The following PRR12 variants were observed in gnomAD, a reference collection of about 807,000 sequenced individuals.
PRR12 encodes the protein proline rich 12.
Under a neutral mutation model 138.0 loss-of-function variants are expected in PRR12, and 12 were observed. The ratio of observed to expected loss-of-function variants is 0.09; its 90% CI spans 0.06 to 0.14. The LOEUF is 0.14. PRR12 is among the 10% of genes least tolerant of loss of function. PRR12 has a pLI of 1.00. For synonymous variants in PRR12, 1,567 were observed against 1,291.7 expected, an observed-to-expected ratio of 1.21 and a Z score of -4.57; for missense variants, 2,692 against 2,861.3, an observed-to-expected ratio of 0.94 and a Z score of 1.35.
At chr19:49,593,037 T>G (rs552748833) in intron 1 of PRR12, among the ~76,000 whole-genome samples, 2 of 152,274 alleles carry the variant, frequency 1.3e-5, no homozygotes, top group African/African-American at 4.8e-5. Flanking sequence ...TTGCTCTGCC[T>G]TGGACCCTCT....
intron 11 of PRR12, among the ~76,000 whole-genome samples, chr19:49,622,864 C>G (rs537805824): frequency 3.5e-5 from 5 of 143,058 alleles, no homozygotes; most frequent in African/African-American, 1.3e-4. Flanking sequence ...TGCACTCCAG[C>G]CTGGGCGACA....
chr19:49,614,721 G>A lies in PRR12; in HGVS notation c.4890+72G>A, dbSNP rs2080882772. 6 of 1,484,460 alleles carry A rather than the reference G, an allele frequency of 4.0e-6. No homozygotes were observed. The highest frequency in any genetic ancestry group is 1.7e-4 in the Middle Eastern group (1 of 5,798). The allele number at this position is 1,484,460 out of a possible 1,614,324, so 92.0% of individuals were successfully genotyped here. On this transcript the variant is annotated intron_variant, in intron 7 of 13. Coordinates refer to ENST00000418929, the MANE Select transcript of PRR12 (RefSeq NM_020719.3). This position sits in a 1 kb window ranked among gnomAD's most constrained non-coding sequence, Gnocchi z 5.0. ...TATCTAGGAGCTGGGGTTCCCCTTA[G>A]TGTGGCTGTGACTCACTCCACAGTG...
Position 49,625,237 on chromosome 19 carries a change from C to T in PRR12, c.5964+37C>T, listed in dbSNP as rs200494856. On this transcript the variant is annotated intron_variant, in intron 13 of 13. Coordinates refer to ENST00000418929, the MANE Select transcript of PRR12 (RefSeq NM_020719.3). The surrounding 1 kb of genome is among the most constrained non-coding windows in gnomAD (Gnocchi z 5.5). ...CCACAGCACCCATCGCCCTGGGATT[C>T]CAACCTTTCTGACTTCCTCTTGGGA... 11 of 1,591,540 alleles carry T rather than the reference C, an allele frequency of 6.9e-6. No homozygotes were observed. In the Admixed American group the frequency reaches 1.8e-4, roughly 27 times the overall value.
At position 49,595,739 on chromosome 19, in the gene PRR12, C is replaced by T. The variant is rs574639521; in HGVS notation, c.1404C>T (p.Asp468=). 3 of 1,597,336 alleles carry T rather than the reference C, an allele frequency of 1.9e-6. No homozygotes were observed. The East Asian group carries it at 6.7e-5, about 36-fold the overall frequency. The change falls in exon 4 of 14, where the codon GAC becomes GAT. Residue 468 remains aspartate, a synonymous_variant. Coordinates refer to ENST00000418929, the MANE Select transcript of PRR12 (RefSeq NM_020719.3). ...GGTTTGGAGGGGGGCAGGCACAGGACTTGAGCAAAGCCCCCAGCTACTCAG... is the reference window on the plus strand; with the variant it reads ...GGTTTGGAGGGGGGCAGGCACAGGATTTGAGCAAAGCCCCCAGCTACTCAG... The part of the protein sequence containing the change: ...GQGFGGGQAQ[D]LSKAPSYSGG...
chr19:49,592,887 T>C (rs11083979), intron 1 of PRR12, among the ~76,000 whole-genome samples: 49,115 of 151,534 alleles, frequency 0.32, 9,053 homozygotes, highest in African/African-American at 0.51. Flanking sequence ...TCAGGGCCTA[T>C]GTGTTCCCGT....
At chr19:49,593,661 A>G (rs767912553) in intron 2 of PRR12, among the ~76,000 whole-genome samples, 36 of 151,566 alleles carry the variant, frequency 2.4e-4, no homozygotes, top group Non-Finnish European at 4.6e-4. Flanking sequence ...TTTCGCTCCA[A>G]TTGGCCCTGT....
intron 5 of PRR12, among the ~76,000 whole-genome samples, chr19:49,600,221 G>T (rs746910351): frequency 6.6e-6 from 1 of 152,098 alleles, no homozygotes; most frequent in Non-Finnish European, 1.5e-5. Context: ...CAGGACAGGG[G>T]CTACTCAGGT....
chr19:49,595,079 G>A lies in PRR12; in HGVS notation c.744G>A (p.Leu248=), dbSNP rs752471621. ...ACCTCCCAACTCAGTTCAACCTGCT[G>A]GCTTCCTCTTCCGCTGCCGCCGCCG... ...PRHLPTQFNL[L]ASSSAAAAAA... is the part of the protein sequence containing the mutation. Residue 248 remains leucine (L), a synonymous_variant, in exon 4 of 14, where the codon CTG becomes CTA. Transcript: ENST00000418929. The A allele has an allele frequency of 6.8e-6, 11 of 1,611,256 alleles. 2 individuals carry two copies. Among genetic ancestry groups the A allele is most frequent in the South Asian group, 6.6e-5 (6 of 91,038 alleles).
At position 49,594,805 on chromosome 19, in the gene PRR12, T is replaced by A; in HGVS notation, c.470T>A (p.Phe157Tyr). The change falls in exon 4 of 14, where the codon TTC becomes TAC. Residue 157 changes from phenylalanine to tyrosine, a missense_variant. Phe to Tyr is a conservative substitution (Grantham distance 22). This residue lies in a region of PRR12 where 211 missense variants were observed against 266.3 expected (regional missense o/e 0.79). Coordinates refer to ENST00000418929, the MANE Select transcript of PRR12 (RefSeq NM_020719.3). This position sits in a 1 kb window ranked among gnomAD's most constrained non-coding sequence, Gnocchi z 5.6. ...TCGGCTTACCAACACCCGGCTTCCT[T>A]CGGCAGCCGCCCCTTCCCAGTGCCC... ...ALSAYQHPAS[F>Y]GSRPFPVPSS... is the part of the protein sequence containing the mutation. 1.2e-6 allele frequency: 2 copies of A among 1,612,502 alleles called. No homozygotes were observed. The highest frequency in any genetic ancestry group is 2.2e-5 in the South Asian group (2 of 90,932).
chr19:49,597,889 C>T lies in PRR12; in HGVS notation c.3554C>T (p.Ala1185Val), dbSNP rs768830433. Residue 1185 changes from alanine to valine, a missense_variant, in exon 4 of 14, where the codon GCG becomes GTG. By Grantham distance (64) the Ala-to-Val change is moderately conservative. This residue lies in a region of PRR12 where 326 missense variants were observed against 344.2 expected (regional missense o/e 0.95). Coordinates refer to ENST00000418929, the MANE Select transcript of PRR12 (RefSeq NM_020719.3). This position sits in a 1 kb window ranked among gnomAD's most constrained non-coding sequence, Gnocchi z 6.3. ...RIRPLEVPTT[A>V]GPASASTPTD... ...CGCCCCCTGGAGGTCCCGACCACTGCGGGGCCCGCCTCGGCCTCCACGCCC... is the reference window on the plus strand; with the variant it reads ...CGCCCCCTGGAGGTCCCGACCACTGTGGGGCCCGCCTCGGCCTCCACGCCC... 6 of 1,427,862 alleles carry T rather than the reference C, an allele frequency of 4.2e-6. No homozygotes were observed. Among genetic ancestry groups the T allele is most frequent in the Non-Finnish European group, 5.5e-6 (6 of 1,094,120 alleles). The allele number at this position is 1,427,862 out of a possible 1,614,324, so 88.4% of individuals were successfully genotyped here. A position where few individuals can be genotyped will look rare whatever the true frequency, so the allele number is the denominator to read the frequency against.
chr19:49,624,942 C>T lies in PRR12; in HGVS notation c.5820C>T (p.Tyr1940=), dbSNP rs1224426947. The change falls in exon 12 of 14, where the codon TAC becomes TAT. Residue 1940 remains tyrosine (Y), a synonymous_variant. Coordinates refer to ENST00000418929, the MANE Select transcript of PRR12 (RefSeq NM_020719.3). ...GGCTGCGGCCTGCTGGGGAACCCTA[C>T]AACCGCAAGACGCTCAGCAAGCTCA... ...AVRLRPAGEP[Y]NRKTLSKLKR... is the part of the protein sequence containing the mutation. 6.3e-7 allele frequency: 1 copy of T among 1,598,600 alleles called. No homozygotes were observed. Among genetic ancestry groups the T allele is most frequent in the Non-Finnish European group, 8.5e-7 (1 of 1,171,582 alleles).
chr19:49,593,394 G>C lies in PRR12; in HGVS notation c.154G>C (p.Ala52Pro). ...TDILHRQAYA[A>P]PHPLQSYATN... is the part of the protein sequence containing the mutation. Reference sequence around the variant, plus strand: ...CATCTTACACCGCCAGGCCTATGCGGCCCCCCACCCACTGCAAAGCTATGC... The same window carrying C: ...CATCTTACACCGCCAGGCCTATGCGCCCCCCCACCCACTGCAAAGCTATGC... Residue 52 changes from alanine to proline, a missense_variant, in exon 2 of 14, where the codon GCC (alanine) becomes CCC (proline). Physicochemically the swap from Ala to Pro is conservative, Grantham distance 27. This residue lies in a region of PRR12 where 211 missense variants were observed against 266.3 expected (regional missense o/e 0.79). Coordinates refer to ENST00000418929, the MANE Select transcript of PRR12 (RefSeq NM_020719.3). 1.2e-6 allele frequency: 2 copies of C among 1,610,156 alleles called. No homozygotes were observed. The highest frequency in any genetic ancestry group is 1.7e-6 in the Non-Finnish European group (2 of 1,178,592).
At position 49,621,590 on chromosome 19, in the gene PRR12, C is replaced by G; in HGVS notation, c.5689C>G (p.Leu1897Val). The G allele has an allele frequency of 1.9e-6, 3 of 1,602,606 alleles. No individual in the cohort carries two copies. Among genetic ancestry groups the G allele is most frequent in the Non-Finnish European group, 2.6e-6 (3 of 1,174,980 alleles). Residue 1897 changes from leucine (L) to valine (V), a missense_variant, in exon 11 of 14, where the codon CTG (leucine) becomes GTG (valine). This residue lies in a region of PRR12 where 116 missense variants were observed against 243.4 expected (regional missense o/e 0.48). Transcript: ENST00000418929. Reference sequence around the variant, plus strand: ...GCTGAATGAGCACAAGAAGAAAGTCCTGAAGCGGCTGTCGCTAAGCCCAGC... The same window carrying G: ...GCTGAATGAGCACAAGAAGAAAGTCGTGAAGCGGCTGTCGCTAAGCCCAGC... ...GLLNEHKKKV[L>V]KRLSLSPALQ...
intron 6 of PRR12, among the ~76,000 whole-genome samples, chr19:49,611,885 T>C (rs2080868083): frequency 8.1e-6 from 1 of 122,764 alleles, no homozygotes; most frequent in Non-Finnish European, 1.6e-5. Context: ...GTCGCGCCAC[T>C]GCACTCCAGC....
At position 49,614,898 on chromosome 19, in the gene PRR12, C is replaced by T. The variant is rs2080883550; in HGVS notation, c.4913C>T (p.Ala1638Val). Residue 1638 changes from alanine to valine, a missense_variant, in exon 8 of 14, where the codon GCA (alanine) becomes GTA (valine). Around this residue, in one of 11 missense-constraint regions of PRR12, gnomAD observed 92 missense variants for 174.1 expected, o/e 0.53. Coordinates refer to ENST00000418929, the MANE Select transcript of PRR12 (RefSeq NM_020719.3). The surrounding 1 kb of genome is among the most constrained non-coding windows in gnomAD (Gnocchi z 5.0). Reference sequence around the variant, plus strand: ...TAGTATTTGGGGTATTTTGGGGATGCAAAAAATCGGTACCAGCGCCTCTAT... The same window carrying T: ...TAGTATTTGGGGTATTTTGGGGATGTAAAAAATCGGTACCAGCGCCTCTAT... The part of the protein sequence containing the change: ...TSNYLGYFGD[A>V]KNRYQRLYVK... The T allele has an allele frequency of 6.2e-7, 1 of 1,613,732 alleles. No individual in the cohort carries two copies. The highest frequency in any genetic ancestry group is 8.5e-7 in the Non-Finnish European group (1 of 1,179,852).
chr19:49,600,971 C>G (rs556408142), intron 5 of PRR12, among the ~76,000 whole-genome samples: 3 of 152,144 alleles, frequency 2.0e-5, no homozygotes, highest in African/African-American at 7.2e-5. Context: ...GTGATCCACC[C>G]ACCTCAGCCT....
At chr19:49,620,260 C>T (rs1198161649) in intron 9 of PRR12, 92 bp from the exon 10 acceptor site, 3 of 1,534,944 alleles carry the variant, frequency 2.0e-6, no homozygotes, top group Non-Finnish European at 2.7e-6. Flanking sequence ...AGGGATTTCT[C>T]TTCCGGTCCC....
At chr19:49,620,619 C>A in intron 10 of PRR12, 142 bp downstream of exon 10, 2 of 1,274,806 alleles carry the variant, frequency 1.6e-6, no homozygotes, top group South Asian at 2.9e-5. Flanking sequence ...AGGCCTGGAC[C>A]TGGGTCTGAG....
chr19:49,608,928 A>G (rs1467051004), intron 6 of PRR12, among the ~76,000 whole-genome samples: 1 of 152,094 alleles, frequency 6.6e-6, no homozygotes, highest in East Asian at 1.9e-4. Context: ...GGGCCAGGCT[A>G]GCCCATTCTC....
Sources: gnomAD v4.1 joint callset for allele counts (sites outside exome capture counted in the v4.1 genomes callset) on GRCh38, gnomAD v4.1.1 for gene constraint, gnomAD v4.1.1 regional missense constraint, Gnocchi (gnomAD v3.1) non-coding constraint, MANE v1.5 for transcripts, NCBI Gene and HGNC (gene_info 2026-07-23, HGNC 2026-07-21) for gene names.